The following CALN1 variants were observed in gnomAD, a reference collection of about 807,000 sequenced individuals.
CALN1 encodes calneuron 1.
A neutral mutation model predicts 30.6 loss-of-function variants in CALN1; 17 were observed. The ratio of observed to expected loss-of-function variants is 0.56; its 90% CI spans 0.38 to 0.83. The LOEUF (loss-of-function observed/expected upper bound fraction) is 0.83. Among genes scored for constraint, CALN1 ranks in the 40% least tolerant of loss-of-function variants. The pLI, the probability that CALN1 is intolerant of heterozygous loss-of-function variation, is 0.00. For missense variants in CALN1, 291 were observed against 354.9 expected, an observed-to-expected ratio of 0.82 and a Z score of 1.45; for synonymous variants, 156 against 131.4, an observed-to-expected ratio of 1.19 and a Z score of -1.28.
intron 2 of CALN1, among the ~76,000 whole-genome samples, chr7:72,332,243 C>A (rs539817683): frequency 1.3e-5 from 2 of 152,206 alleles, no homozygotes; most frequent in Admixed American, 6.5e-5. Context: ...CAAGGTAGCA[C>A]CCCAGAAGCA....
intron 3 of CALN1, among the ~76,000 whole-genome samples, chr7:72,208,513 C>T (rs1003256282): frequency 6.6e-6 from 1 of 152,196 alleles, no homozygotes; most frequent in Admixed American, 6.5e-5. Context: ...CATGGATATG[C>T]CTGCTACAAC....
chr7:71,915,762 A>T (rs199961410), intron 5 of CALN1, among the ~76,000 whole-genome samples: 4 of 146,604 alleles, frequency 2.7e-5, no homozygotes, highest in Non-Finnish European at 6.1e-5. Flanking sequence ...CAAAAAAAAA[A>T]CCCAATCTGC....
intron 3 of CALN1, among the ~76,000 whole-genome samples, chr7:72,278,472 TACACAC>T (rs59010102): frequency 0.19 from 26,652 of 143,930 alleles, 3,118 homozygotes; most frequent in East Asian, 0.38. Context: ...ATCAGGTCTG[TACACAC>T]ACACACACAC....
chr7:72,313,924 G>A (rs559317411), intron 2 of CALN1, among the ~76,000 whole-genome samples: 3 of 152,294 alleles, frequency 2.0e-5, no homozygotes, highest in Admixed American at 6.5e-5. Flanking sequence ...TAACCACAGG[G>A]TGGACAAATT....
intron 3 of CALN1, among the ~76,000 whole-genome samples, chr7:72,171,624 G>C (rs986232206): frequency 1.3e-5 from 2 of 152,120 alleles, no homozygotes; most frequent in African/African-American, 4.8e-5. Context: ...CTGCAAAAAA[G>C]AGGCCCACAT....
intron 2 of CALN1, among the ~76,000 whole-genome samples, chr7:72,384,990 CA>C (rs1413390443): frequency 6.6e-6 from 1 of 151,910 alleles, no homozygotes; most frequent in African/African-American, 2.4e-5. Flanking sequence ...GAAAAGTGGT[CA>C]AAAAATTTGA....
chr7:72,117,553 T>C (rs1005212330), intron 3 of CALN1, among the ~76,000 whole-genome samples: 6 of 152,182 alleles, frequency 3.9e-5, no homozygotes, highest in Non-Finnish European at 2.9e-5. Context: ...CTTCCCATCA[T>C]GGCCAGAATT....
chr7:72,033,932 G>C (rs1801617328), intron 4 of CALN1, among the ~76,000 whole-genome samples: 1 of 152,106 alleles, frequency 6.6e-6, no homozygotes, highest in South Asian at 2.1e-4. Flanking sequence ...GGGGATTGGA[G>C]AAGTCTGGAT....
At chr7:71,944,829 C>T (rs2129523280) in intron 5 of CALN1, among the ~76,000 whole-genome samples, 1 of 152,252 alleles carries the variant, frequency 6.6e-6, no homozygotes, top group East Asian at 1.9e-4. Context: ...AAATTGGCTA[C>T]CAATGTGGTA....
At chr7:71,823,186 C>CTT (rs10559746) in intron 5 of CALN1, among the ~76,000 whole-genome samples, 8 of 141,782 alleles carry the variant, frequency 5.6e-5, no homozygotes, top group Non-Finnish European at 1.5e-5. Context: ...GTCTCTCTCT[C>CTT]TTTTTTTTTT....
At chr7:72,423,881 G>A (rs936510332) in intron 1 of CALN1, among the ~76,000 whole-genome samples, 1 of 143,744 alleles carries the variant, frequency 7.0e-6, no homozygotes, top group Non-Finnish European at 1.5e-5. Flanking sequence ...AGGGAGGGAG[G>A]AAAGGGGAGA....
At chr7:72,462,329 G>T in the CALN1 span, among the ~76,000 whole-genome samples, 1 of 152,194 alleles carries the variant, frequency 6.6e-6, no homozygotes, top group East Asian at 1.9e-4. Flanking sequence ...GGGACTACAG[G>T]TGTGCACACC....
At chr7:71,837,243 C>CAAAAAAAAAGAAA (rs1789669799) in intron 5 of CALN1, among the ~76,000 whole-genome samples, 1 of 79,122 alleles carries the variant, frequency 1.3e-5, no homozygotes, top group African/African-American at 4.9e-5. Flanking sequence ...AAAAAAAAGA[C>CAAAAAAAAAGAAA]AAAAAAAAAA....
intron 3 of CALN1, among the ~76,000 whole-genome samples, chr7:72,215,414 TG>T (rs2129548504): frequency 6.6e-6 from 1 of 152,032 alleles, no homozygotes; most frequent in Admixed American, 6.6e-5. Flanking sequence ...GTCAACATGG[TG>T]AAACCCCGTC....
intron 3 of CALN1, among the ~76,000 whole-genome samples, chr7:72,221,742 T>C (rs566658335): frequency 1.5e-4 from 22 of 151,392 alleles, no homozygotes; most frequent in Non-Finnish European, 2.5e-4. Context: ...CTACAAAAAT[T>C]AGCTGGGCAT....
intron 6 of CALN1, among the ~76,000 whole-genome samples, chr7:71,797,146 C>T (rs1786975525): frequency 6.6e-6 from 1 of 152,154 alleles, no homozygotes; most frequent in South Asian, 2.1e-4. Flanking sequence ...AGCTGGGCTG[C>T]ATGTTTTCAG....
chr7:71,795,038 T>C (rs1786811825), intron 6 of CALN1, among the ~76,000 whole-genome samples: 2 of 152,206 alleles, frequency 1.3e-5, no homozygotes, highest in African/African-American at 4.8e-5. Context: ...TTTTTTTCTT[T>C]TTTGAGATGG....
intron 3 of CALN1, among the ~76,000 whole-genome samples, chr7:72,259,089 A>G (rs1190651748): frequency 6.6e-6 from 1 of 150,502 alleles, no homozygotes; most frequent in Non-Finnish European, 1.5e-5. Context: ...TCAATTTAAA[A>G]TATATTATTT....
intron 5 of CALN1, among the ~76,000 whole-genome samples, chr7:71,964,218 T>C (rs1797414034): frequency 6.6e-6 from 1 of 152,202 alleles, no homozygotes; most frequent in Non-Finnish European, 1.5e-5. Context: ...TGACTCTTCT[T>C]TGCTGCCCTG....
Sources: gnomAD v4.1 joint callset for allele counts (sites outside exome capture counted in the v4.1 genomes callset) on GRCh38, gnomAD v4.1.1 for gene constraint, MANE v1.5 for transcripts, NCBI Gene and HGNC (gene_info 2026-07-23, HGNC 2026-07-21) for gene names.